ASIC2: variants seen among roughly 807,000 people sequenced by gnomAD.
The protein encoded by ASIC2 is acid-sensing ion channel 2.
A neutral mutation model predicts 57.3 loss-of-function variants in ASIC2; 25 were observed. The ratio of observed to expected loss-of-function variants is 0.44; its 90% CI spans 0.32 to 0.61. ASIC2 has a LOEUF of 0.61. Ranked by LOEUF, ASIC2 falls within the 20% of genes least tolerant of loss-of-function variation. The probability of loss-of-function intolerance (pLI) is 0.06; values close to 1 mark genes in which losing one functional copy is unlikely to be tolerated. For missense variants in ASIC2, 641 were observed against 738.1 expected (o/e 0.87, Z 1.52); for synonymous variants, 319 against 307.5 (o/e 1.04, Z -0.39).
chr17:33,287,438 C>T (rs974295031), intron 1 of ASIC2, among the ~76,000 whole-genome samples: 5 of 152,214 alleles, frequency 3.3e-5, no homozygotes, highest in African/African-American at 1.2e-4. Flanking sequence ...GATAGCTCTG[C>T]CTCACTGTTT....
chr17:33,072,961 T>C (rs1283278499), intron 3 of ASIC2, among the ~76,000 whole-genome samples: 1 of 152,232 alleles, frequency 6.6e-6, no homozygotes, highest in Non-Finnish European at 1.5e-5. Context: ...GCTGCCTGGA[T>C]TCACGGCACG....
At chr17:34,151,298 C>T (rs925407002) in intron 1 of ASIC2, among the ~76,000 whole-genome samples, 2 of 152,108 alleles carry the variant, frequency 1.3e-5, no homozygotes, top group African/African-American at 4.8e-5. Context: ...TGCATTCTTG[C>T]ACTCAGCTAT....
At chr17:34,124,176 T>C (rs1911706389) in intron 1 of ASIC2, among the ~76,000 whole-genome samples, 1 of 152,180 alleles carries the variant, frequency 6.6e-6, no homozygotes, top group Non-Finnish European at 1.5e-5. Context: ...GACAAGAAGG[T>C]TGAGGCACAG....
rs2091789660 is a variant in ASIC2 at position 33,013,580 on chromosome 17, G to C, written c.*385C>G. 1 of 215,896 alleles carries C rather than the reference G, an allele frequency of 4.6e-6. No homozygotes were observed. The highest frequency in any genetic ancestry group is 2.2e-5 in the African/African-American group (1 of 44,988). The allele number at this position is 215,896 out of a possible 1,614,324, so 13.4% of individuals were successfully genotyped here. The stretch of plus-strand genomic sequence containing the variant: ...CATGGTGACTTTGGACCTGGAATCT[G>C]GTCCCACTGCACGGGCAGCAGTGTG... On this transcript the variant is annotated 3_prime_UTR_variant, in exon 10 of 10. Transcript: ENST00000225823.
At chr17:33,046,951 C>T (rs2346392) in intron 3 of ASIC2, among the ~76,000 whole-genome samples, 60,497 of 152,150 alleles carry the variant, frequency 0.4, 12,875 homozygotes, top group Admixed American at 0.55. Context: ...GAACCAACCC[C>T]GGAGCCCAGG....
At chr17:33,042,101 T>C (rs571159518) in intron 3 of ASIC2, among the ~76,000 whole-genome samples, 1 of 152,358 alleles carries the variant, frequency 6.6e-6, no homozygotes, top group East Asian at 1.9e-4. Context: ...AGTGTGTTTG[T>C]ATATGATTAT....
chr17:34,032,605 A>G (rs1292151379), intron 1 of ASIC2, among the ~76,000 whole-genome samples: 2 of 152,218 alleles, frequency 1.3e-5, no homozygotes, highest in East Asian at 1.9e-4. Context: ...AGTGTGCTGT[A>G]TTCAGGAAAC....
In ASIC2 at chr17:33,601,701, C is replaced by A. The variant is rs1383589114; in HGVS notation, c.556-489634G>T. On this transcript the variant is annotated intron_variant, in intron 1 of 9. Coordinates refer to the ASIC2 transcript ENST00000359872. Reference sequence around the variant, plus strand: ...TGGGCATGGGGTACCCAGCATGCAACTCCAGCCTGGGAAAGCTGCAAGACA... The same window carrying A: ...TGGGCATGGGGTACCCAGCATGCAAATCCAGCCTGGGAAAGCTGCAAGACA... Among the ~76,000 whole-genome samples, 4 of 152,206 alleles carry A rather than the reference C, an allele frequency of 2.6e-5. No individual in the cohort carries two copies. The East Asian group carries it at 7.7e-4, about 29-fold the overall frequency.
In ASIC2 at chr17:33,925,327, G is replaced by A. The variant is rs7219533; in HGVS notation, c.555+230651C>T. 9.5e-3 allele frequency among the ~76,000 whole-genome samples: 1,445 copies of A among 152,302 alleles called. 25 individuals carry two copies. Among genetic ancestry groups the A allele is most frequent in the African/African-American group, 0.033 (1,386 of 41,546 alleles). ...AGGCACCCCATGCATGACACTTCTC[G>A]TCCTCCCCTCCAGGGAAGGCCAATG... On this transcript the variant is annotated intron_variant, in intron 1 of 9. Coordinates refer to the ASIC2 transcript ENST00000359872.
rs116168809 is a variant in ASIC2 at position 33,093,724 on chromosome 17, G to A, written c.860-4734C>T. The stretch of plus-strand genomic sequence containing the variant: ...TATGCAGAAAGGACATGGGAGCCCT[G>A]TAGGAGGAGGCAGGAGCAATAGGCA... On this transcript the variant is annotated intron_variant, in intron 2 of 9. Transcript: ENST00000225823. Among the ~76,000 whole-genome samples the A allele has an allele frequency of 4.5e-3, 692 of 152,302 alleles. 5 individuals carry two copies. The highest frequency in any genetic ancestry group is 0.015 in the African/African-American group (631 of 41,558).
At chr17:34,013,924 C>T (rs73278463) in intron 1 of ASIC2, among the ~76,000 whole-genome samples, 8,480 of 152,152 alleles carry the variant, frequency 0.056, 784 homozygotes, top group African/African-American at 0.19. Context: ...TGGGATACAT[C>T]GTGGACAGAT....
intron 3 of ASIC2, among the ~76,000 whole-genome samples, chr17:33,042,259 C>T (rs952054667): frequency 2.6e-5 from 4 of 152,192 alleles, no homozygotes; most frequent in Non-Finnish European, 5.9e-5. Context: ...CTCCTCCTGC[C>T]TCTGCCTGGC....
intron 3 of ASIC2, among the ~76,000 whole-genome samples, chr17:33,068,431 G>T (rs958380652): frequency 6.6e-6 from 1 of 152,180 alleles, no homozygotes; most frequent in Non-Finnish European, 1.5e-5. Flanking sequence ...TACTCAGGAG[G>T]CTGAGGCAGG....
At chr17:33,971,506 C>A (rs570382343) in intron 1 of ASIC2, among the ~76,000 whole-genome samples, 1 of 152,152 alleles carries the variant, frequency 6.6e-6, no homozygotes, top group Non-Finnish European at 1.5e-5. Context: ...CCTGTCCCTG[C>A]CCTCCCATTC....
chr17:33,578,365 T>C (rs1916709502), intron 1 of ASIC2, among the ~76,000 whole-genome samples: 1 of 152,226 alleles, frequency 6.6e-6, no homozygotes. Context: ...TTAATTTTTA[T>C]TTATAGGACA....
At chr17:33,664,871 A>C (rs1314955487) in intron 1 of ASIC2, among the ~76,000 whole-genome samples, 2 of 152,226 alleles carry the variant, frequency 1.3e-5, no homozygotes, top group Non-Finnish European at 2.9e-5. Flanking sequence ...ATGCAAGCAC[A>C]ACAGTCTTCC....
intron 1 of ASIC2, among the ~76,000 whole-genome samples, chr17:33,268,943 C>T (rs1425656649): frequency 1.3e-5 from 2 of 152,194 alleles, no homozygotes; most frequent in Non-Finnish European, 2.9e-5. Context: ...TGACCTTGGG[C>T]AAGTCAACAC....
intron 2 of ASIC2, among the ~76,000 whole-genome samples, chr17:33,094,473 C>G (rs969302921): frequency 6.6e-6 from 1 of 152,052 alleles, no homozygotes; most frequent in Non-Finnish European, 1.5e-5. Context: ...CTTGCCCATG[C>G]CTTTGTTAAC....
chr17:33,694,128 G>A (rs906891291), intron 1 of ASIC2, among the ~76,000 whole-genome samples: 14 of 152,268 alleles, frequency 9.2e-5, no homozygotes, highest in Non-Finnish European at 1.6e-4. Context: ...ACTTTCCAGA[G>A]TGTGAGAAAG....
Sources: gnomAD v4.1 joint callset for allele counts (sites outside exome capture counted in the v4.1 genomes callset) on GRCh38, gnomAD v4.1.1 for gene constraint, MANE v1.5 for transcripts, NCBI Gene and HGNC (gene_info 2026-07-23, HGNC 2026-07-21) for gene names.